RELN: variants seen among roughly 807,000 people sequenced by gnomAD.
RELN encodes the protein reelin.
RELN carries 108 observed loss-of-function variants against 427.6 expected under a neutral mutation model. The ratio of observed to expected loss-of-function variants is 0.25; its 90% confidence interval spans 0.22 to 0.30. RELN has a LOEUF of 0.30. Ranked by LOEUF, RELN falls within the 10% of genes least tolerant of loss-of-function variation. The probability of loss-of-function intolerance (pLI) is 1.00; values close to 1 mark genes in which losing one functional copy is unlikely to be tolerated. For missense variants in RELN, 3,715 were observed against 4,302.8 expected, an observed-to-expected ratio of 0.86 and a Z score of 3.82; for synonymous variants, 1,524 against 1,513.4, an observed-to-expected ratio of 1.01 and a Z score of -0.16.
In RELN at chr7:103,778,859, A is replaced by C. The variant is rs79608765; in HGVS notation, c.474-2232T>G. Among the ~76,000 whole-genome samples the C allele has an allele frequency of 2.0e-4, 30 of 152,360 alleles. No individual in the cohort carries two copies. In the East Asian group the frequency reaches 5.8e-3, roughly 29 times the overall value. On this transcript the variant is annotated intron_variant, in intron 3 of 64. Coordinates refer to ENST00000428762, the MANE Select transcript of RELN (RefSeq NM_005045.4). ...CAAATATGGAATTCCAATGAATAAT[A>C]GAGAGGAGCCCTAGCTTTTCAAAAT...
intron 2 of RELN, among the ~76,000 whole-genome samples, chr7:103,896,029 A>T (rs1794951874): frequency 6.6e-6 from 1 of 152,114 alleles, no homozygotes; most frequent in Non-Finnish European, 1.5e-5. Context: ...AATGGCTGTA[A>T]GATTTGAACA....
chr7:103,908,046 A>G (rs996519819), intron 2 of RELN, among the ~76,000 whole-genome samples: 1 of 152,156 alleles, frequency 6.6e-6, no homozygotes, highest in Non-Finnish European at 1.5e-5. Flanking sequence ...ATGAGTGAGA[A>G]CATGAGGTGG....
chr7:103,796,833 C>T (rs1413065142), intron 3 of RELN, among the ~76,000 whole-genome samples: 1 of 144,082 alleles, frequency 6.9e-6, no homozygotes, highest in East Asian at 2.0e-4. Context: ...TGCACTGCAG[C>T]CCAGCCCAGG....
intron 2 of RELN, among the ~76,000 whole-genome samples, chr7:103,899,899 G>A (rs1001813105): frequency 1.3e-5 from 2 of 152,118 alleles, no homozygotes; most frequent in African/African-American, 4.8e-5. Context: ...AGGCAAGGAT[G>A]CCCTCTTTCA....
chr7:103,631,286 C>CTTTTTTTTTTTTTTTTTTTTT (rs545808640), intron 19 of RELN, among the ~76,000 whole-genome samples: 2 of 77,812 alleles, frequency 2.6e-5, no homozygotes, highest in Non-Finnish European at 4.6e-5. Flanking sequence ...AAAAACACTT[C>CTTTTTTTTTTTTTTTTTTTTT]TTTTTTTTTT....
chr7:103,506,140 G>A (rs1425227709), intron 51 of RELN, among the ~76,000 whole-genome samples: 2 of 152,168 alleles, frequency 1.3e-5, no homozygotes, highest in African/African-American at 4.8e-5. Flanking sequence ...TGGGGAGAAT[G>A]GAACCAAGTT....
intron 2 of RELN, among the ~76,000 whole-genome samples, chr7:103,872,007 T>C (rs9792001): frequency 7.5e-6 from 1 of 133,912 alleles, no homozygotes; most frequent in African/African-American, 2.8e-5. Context: ...CTATCTACAG[T>C]ATATGAATAT....
chr7:103,679,138 G>T (rs10248558), intron 11 of RELN, among the ~76,000 whole-genome samples: 3,060 of 152,250 alleles, frequency 0.02, 116 homozygotes, highest in African/African-American at 0.07. Context: ...TTGGGACCAG[G>T]GGGGAGGGCG....
In RELN at chr7:103,842,111, CA is replaced by C. The variant is rs1468443715; in HGVS notation, c.338-8440del. Among the ~76,000 whole-genome samples the C allele has an allele frequency of 2.0e-5, 3 of 151,960 alleles. No homozygotes were observed. The East Asian group carries it at 5.8e-4, about 29-fold the overall frequency. On this transcript the variant is annotated intron_variant, in intron 2 of 64. Transcript: ENST00000428762. ...CACAAAGCTTGGTACGATATTTTTT[CA>C]GGAAGTTTAGCAAAGTTATCACCTT... is the stretch of plus-strand genomic sequence containing the variant.
At chr7:103,792,396 A>G (rs1371103960) in intron 3 of RELN, among the ~76,000 whole-genome samples, 1 of 152,210 alleles carries the variant, frequency 6.6e-6, no homozygotes, top group Non-Finnish European at 1.5e-5. Context: ...CCATAAATGG[A>G]AATGAAGTAC....
intron 3 of RELN, among the ~76,000 whole-genome samples, chr7:103,779,505 T>C (rs748132076): frequency 7.9e-5 from 12 of 152,174 alleles, no homozygotes; most frequent in Non-Finnish European, 1.3e-4. Flanking sequence ...CCCTACAAAG[T>C]AGATACTCTT....
In RELN at chr7:103,620,665, G is replaced by C. The variant is rs959016417; in HGVS notation, c.2703-8862C>G. On this transcript the variant is annotated intron_variant, in intron 20 of 64. Coordinates refer to ENST00000428762, the MANE Select transcript of RELN (RefSeq NM_005045.4). This position sits in a 1 kb window ranked among gnomAD's most constrained non-coding sequence, Gnocchi z 4.1. ...ATTTCTGTATTTTTAGTAGAGATGAGGTTCCATCATGTTGGCCAGGCTGGT... is the reference window on the plus strand; with the variant it reads ...ATTTCTGTATTTTTAGTAGAGATGACGTTCCATCATGTTGGCCAGGCTGGT... Among the ~76,000 whole-genome samples the C allele has an allele frequency of 3.9e-5, 6 of 152,152 alleles. No individual in the cohort carries two copies. Among genetic ancestry groups the C allele is most frequent in the Admixed American group, 2.0e-4 (3 of 15,280 alleles).
In RELN at chr7:103,785,762, T is replaced by C. The variant is rs556292861; in HGVS notation, c.474-9135A>G. 2.6e-5 allele frequency among the ~76,000 whole-genome samples: 4 copies of C among 152,248 alleles called. No homozygotes were observed. The East Asian group carries it at 7.7e-4, about 29-fold the overall frequency. ...TTTCAGGGCTGTGATGAAAATCAAA[T>C]GTGATCAACTCTGTGAAAATATTGT... is the stretch of plus-strand genomic sequence containing the variant. On this transcript the variant is annotated intron_variant, in intron 3 of 64. Transcript: ENST00000428762.
intron 11 of RELN, among the ~76,000 whole-genome samples, chr7:103,673,225 T>G (rs1217709140): frequency 1.3e-5 from 2 of 152,120 alleles, no homozygotes; most frequent in Non-Finnish European, 2.9e-5. Flanking sequence ...CTGAACTGTC[T>G]TCTTTGTTCT....
chr7:103,505,802 G>A (rs576415529), intron 51 of RELN, among the ~76,000 whole-genome samples: 4 of 152,234 alleles, frequency 2.6e-5, no homozygotes, highest in Non-Finnish European at 4.4e-5. Flanking sequence ...AGCTAAAGGC[G>A]CATGTTCTAA....
Position 103,953,518 on chromosome 7 carries a change from A to T in RELN, c.226+35613T>A, listed in dbSNP as rs554476575. 6.6e-6 allele frequency among the ~76,000 whole-genome samples: 1 copy of T among 152,366 alleles called. No homozygotes were observed. The highest frequency in any genetic ancestry group is 2.4e-5 in the African/African-American group (1 of 41,594). Reference sequence around the variant, plus strand: ...ATTTTTAAGGCACTGGTAGGGGGACATACACACACACAGAATTTTATATAA... The same window carrying T: ...ATTTTTAAGGCACTGGTAGGGGGACTTACACACACACAGAATTTTATATAA... On this transcript the variant is annotated intron_variant, in intron 1 of 64. Transcript: ENST00000428762. The surrounding 1 kb of genome is among the most constrained non-coding windows in gnomAD (Gnocchi z 4.3).
In RELN at chr7:103,596,539, G is replaced by A. The variant is rs1305689660; in HGVS notation, c.3456C>T (p.Gly1152=). Residue 1152 remains glycine, a synonymous_variant, in exon 25 of 65, where the codon GGC becomes GGT. Transcript: ENST00000428762. ...SCNKPDSREE[G]VLLQYSNNGG... Reference sequence around the variant, plus strand: ...CATTGTTGCTGTACTGAAGGAGGACGCCCTCCTCTCTGCTGTCAGGCTTGT... The same window carrying A: ...CATTGTTGCTGTACTGAAGGAGGACACCCTCCTCTCTGCTGTCAGGCTTGT... 2.5e-6 allele frequency: 4 copies of A among 1,613,940 alleles called. No homozygotes were observed. The highest frequency in any genetic ancestry group is 2.2e-5 in the East Asian group (1 of 44,884).
intron 50 of RELN, among the ~76,000 whole-genome samples, chr7:103,511,822 C>T (rs1359704290): frequency 6.6e-6 from 1 of 152,140 alleles, no homozygotes; most frequent in Non-Finnish European, 1.5e-5. Context: ...CCAGCCTGGG[C>T]AGCAGAGTGA....
chr7:103,651,185 A>C (rs564438245), intron 15 of RELN, among the ~76,000 whole-genome samples: 1 of 152,208 alleles, frequency 6.6e-6, no homozygotes, highest in South Asian at 2.1e-4. Flanking sequence ...TTATTCTGTA[A>C]TGTGGCAAGT....
Sources: gnomAD v4.1 joint callset for allele counts (sites outside exome capture counted in the v4.1 genomes callset) on GRCh38, gnomAD v4.1.1 for gene constraint, Gnocchi (gnomAD v3.1) non-coding constraint, MANE v1.5 for transcripts, NCBI Gene and HGNC (gene_info 2026-07-23, HGNC 2026-07-21) for gene names.